The following NUSAP1 variants were observed in gnomAD, a reference collection of about 807,000 sequenced individuals.
NUSAP1 encodes the protein nucleolar and spindle associated protein 1.
A neutral mutation model predicts 52.8 loss-of-function variants in NUSAP1; 32 were observed. The ratio of observed to expected loss-of-function variants is 0.61; its 90% confidence interval spans 0.46 to 0.81. NUSAP1 has a LOEUF of 0.81. Ranked by LOEUF, NUSAP1 falls within the 40% of genes least tolerant of loss-of-function variation. NUSAP1 has a pLI of 0.00. For synonymous variants in NUSAP1, 195 were observed against 183.1 expected (o/e 1.06, Z -0.52); for missense variants, 499 against 522.3 (o/e 0.96, Z 0.43).
Position 41,379,295 on chromosome 15 carries a change from AT to A in NUSAP1, c.1233-785del, listed in dbSNP as rs111232099. Among the ~76,000 whole-genome samples, 691 of 145,482 alleles carry A rather than the reference AT, an allele frequency of 4.7e-3. 5 individuals carry two copies. The highest frequency in any genetic ancestry group is 0.015 in the African/African-American group (609 of 39,886). On this transcript the variant is annotated intron_variant, in intron 10 of 10. Transcript: ENST00000559596. ...TGTAGACATTTCTCATTTAAAACAA[AT>A]TTTTTTTTTTTTCTTAGAGACAGGG...
chr15:41,370,693 T>C (rs1050117578), intron 7 of NUSAP1, among the ~76,000 whole-genome samples: 1 of 141,940 alleles, frequency 7.0e-6, no homozygotes, highest in South Asian at 2.2e-4. Flanking sequence ...GAGGTTGCAG[T>C]GACCCAACAT....
In NUSAP1 at chr15:41,351,017, T is replaced by C; in HGVS notation, c.336T>C (p.Asn112=). The C allele has an allele frequency of 6.2e-7, 1 of 1,612,152 alleles. No homozygotes were observed. The change falls in exon 4 of 11, where the codon AAT becomes AAC. Residue 112 remains asparagine, a synonymous_variant. Transcript: ENST00000559596. ...ATCATTCAGAGATAAAAATAAGTAA[T>C]CCCACTGAATTCCAGAATCATGAAA... ...QQNHSEIKIS[N]PTEFQNHEKQ... is the part of the protein sequence containing the mutation.
chr15:41,346,889 ATGGCCAGGCACAG>A, intron 2 of NUSAP1, among the ~76,000 whole-genome samples: 1 of 151,252 alleles, frequency 6.6e-6, no homozygotes, highest in South Asian at 2.1e-4. Context: ...ATACTGATGT[ATGGCCAGGCACAG>A]TGGCTCACGC....
At chr15:41,375,008 A>AT (rs202139133) in intron 8 of NUSAP1, among the ~76,000 whole-genome samples, 42 of 122,650 alleles carry the variant, frequency 3.4e-4, no homozygotes, top group South Asian at 5.2e-4. Context: ...CACCTAGCTA[A>AT]TTTTTTTTTT....
chr15:41,339,635 C>T (rs905195985), intron 1 of NUSAP1, among the ~76,000 whole-genome samples: 5 of 152,084 alleles, frequency 3.3e-5, no homozygotes, highest in Non-Finnish European at 7.4e-5. Context: ...GTCTGGAACT[C>T]CTGAACTCAG....
chr15:41,361,169 G>A (rs193213473), intron 6 of NUSAP1, among the ~76,000 whole-genome samples: 7 of 151,798 alleles, frequency 4.6e-5, no homozygotes, highest in East Asian at 4.0e-4. Flanking sequence ...TGAGGCAGGC[G>A]GATCACCTGA....
At chr15:41,368,580 A>G (rs1393238408) in intron 7 of NUSAP1, among the ~76,000 whole-genome samples, 2 of 152,138 alleles carry the variant, frequency 1.3e-5, no homozygotes, top group East Asian at 1.9e-4. Context: ...GACTTTCCCC[A>G]TAGATCAAAG....
chr15:41,368,760 T>C (rs1393165543), intron 7 of NUSAP1, among the ~76,000 whole-genome samples: 1 of 135,412 alleles, frequency 7.4e-6, no homozygotes, highest in African/African-American at 2.9e-5. Context: ...TTTGAGACAG[T>C]ATTGCTCTGT....
chr15:41,340,405 T>C (rs1013769613), intron 1 of NUSAP1, among the ~76,000 whole-genome samples: 1 of 152,160 alleles, frequency 6.6e-6, no homozygotes, highest in African/African-American at 2.4e-5. Context: ...CATTTCTAGC[T>C]TTCTTGGGTA....
Position 41,377,248 on chromosome 15 carries a change from T to C in NUSAP1, c.1176T>C (p.His392=), listed in dbSNP as rs781539498. The change falls in exon 10 of 11, where the codon CAT becomes CAC. Residue 392 remains histidine (H), a synonymous_variant. Coordinates refer to ENST00000559596, the MANE Select transcript of NUSAP1 (RefSeq NM_016359.5). ...AAGAAAATAATTATCTAAATCAACA[T>C]GTCAACAGAATTAACTTCTACAAGA... is the stretch of plus-strand genomic sequence containing the variant. The part of the protein sequence containing the change: ...QSKENNYLNQ[H]VNRINFYKKT... 114 of 1,543,528 alleles carry C rather than the reference T, an allele frequency of 7.4e-5. No individual in the cohort carries two copies. Among genetic ancestry groups the C allele is most frequent in the Non-Finnish European group, 5.3e-6 (6 of 1,142,068 alleles).
chr15:41,363,518 T>C (rs1198098012), intron 6 of NUSAP1, among the ~76,000 whole-genome samples: 1 of 151,862 alleles, frequency 6.6e-6, no homozygotes, highest in Non-Finnish European at 1.5e-5. Flanking sequence ...GGGACAATAG[T>C]CATGCACTAC....
chr15:41,339,985 C>T lies in NUSAP1; in HGVS notation c.94-2401C>T, dbSNP rs574488187. On this transcript the variant is annotated intron_variant, in intron 1 of 10. Coordinates refer to ENST00000559596, the MANE Select transcript of NUSAP1 (RefSeq NM_016359.5). ...ATGGGGTTTCACCCTGTTGGCCAGG[C>T]TGGTCTTGAACTCCTAACTTTGGGT... Among the ~76,000 whole-genome samples, 9 of 151,226 alleles carry T rather than the reference C, an allele frequency of 6.0e-5. No individual in the cohort carries two copies. In the South Asian group the frequency reaches 1.9e-3, roughly 32 times the overall value.
chr15:41,373,366 G>A (rs1026596690), intron 8 of NUSAP1, among the ~76,000 whole-genome samples: 1 of 151,066 alleles, frequency 6.6e-6, no homozygotes, highest in Non-Finnish European at 1.5e-5. Context: ...CTGGGAGACA[G>A]AGCAAGACTC....
intron 8 of NUSAP1, among the ~76,000 whole-genome samples, chr15:41,375,034 G>C (rs1215512137): frequency 7.0e-6 from 1 of 143,366 alleles, no homozygotes; most frequent in East Asian, 2.1e-4. Context: ...TCTCTGAGAT[G>C]GAGTCTTGCT....
At chr15:41,361,403 AT>A (rs200532350) in intron 6 of NUSAP1, among the ~76,000 whole-genome samples, 13 of 151,876 alleles carry the variant, frequency 8.6e-5, no homozygotes, top group African/African-American at 9.7e-5. Context: ...CAAAAAAAAA[AT>A]AATAATAATT....
intron 3 of NUSAP1, among the ~76,000 whole-genome samples, chr15:41,349,658 G>A (rs1299286286): frequency 1.3e-5 from 2 of 151,900 alleles, no homozygotes; most frequent in Non-Finnish European, 2.9e-5. Flanking sequence ...GATTAGCAAG[G>A]GGCTTCCCTC....
intron 2 of NUSAP1, among the ~76,000 whole-genome samples, chr15:41,347,138 C>G (rs1043505002): frequency 6.6e-6 from 1 of 152,136 alleles, no homozygotes; most frequent in African/African-American, 2.4e-5. Context: ...TAGCACTGCA[C>G]TCCAGCCTGG....
intron 2 of NUSAP1, chr15:41,345,417 G>GA (rs1245800325): frequency 7.1e-5 from 29 of 407,294 alleles, no homozygotes; most frequent in Non-Finnish European, 9.0e-5. Flanking sequence ...AAGATAAAGG[G>GA]AAAAAAAATC....
At chr15:41,364,585 T>C (rs1183980037) in intron 6 of NUSAP1, among the ~76,000 whole-genome samples, 1 of 151,366 alleles carries the variant, frequency 6.6e-6, no homozygotes, top group Non-Finnish European at 1.5e-5. Flanking sequence ...AATGCCCAGA[T>C]AGCTGGGCAC....
Sources: gnomAD v4.1 joint callset for allele counts (sites outside exome capture counted in the v4.1 genomes callset) on GRCh38, gnomAD v4.1.1 for gene constraint, MANE v1.5 for transcripts, NCBI Gene and HGNC (gene_info 2026-07-23, HGNC 2026-07-21) for gene names.